The following DOCK1 variants were observed in gnomAD, a reference collection of about 807,000 sequenced individuals.
DOCK1 encodes dedicator of cytokinesis 1.
In DOCK1, 138 loss-of-function variants were observed where a neutral mutation model predicts 262.7. The observed-to-expected ratio is 0.53, with a 90% CI of 0.46 to 0.61. The LOEUF is 0.61. Among genes scored for constraint, DOCK1 ranks in the 20% least tolerant of loss-of-function variants. DOCK1 has a pLI of 0.00. For synonymous variants in DOCK1, 866 were observed against 867.4 expected, an observed-to-expected ratio of 1.00 and a Z score of 0.03; for missense variants, 1,908 against 2,370.7, an observed-to-expected ratio of 0.80 and a Z score of 4.05.
chr10:126,984,928 C>T (rs1446596274), intron 4 of DOCK1, among the ~76,000 whole-genome samples: 4 of 150,340 alleles, frequency 2.7e-5, no homozygotes, highest in Non-Finnish European at 4.4e-5. Flanking sequence ...AACAGAAACT[C>T]GGTGTCCCTT....
chr10:127,448,751 A>G (rs1036005275), intron 51 of DOCK1, among the ~76,000 whole-genome samples: 116 of 152,106 alleles, frequency 7.6e-4, no homozygotes, highest in African/African-American at 2.7e-3. Context: ...TAGAACATTG[A>G]AAACATGAGA....
At chr10:127,341,261 A>G (rs1207563294) in intron 30 of DOCK1, among the ~76,000 whole-genome samples, 1 of 152,216 alleles carries the variant, frequency 6.6e-6, no homozygotes, top group Non-Finnish European at 1.5e-5. Flanking sequence ...ATGTGTGTAT[A>G]AATTCCATTT....
At chr10:126,981,178 C>T (rs2038947324) in intron 3 of DOCK1, among the ~76,000 whole-genome samples, 1 of 152,042 alleles carries the variant, frequency 6.6e-6, no homozygotes, top group South Asian at 2.1e-4. Flanking sequence ...GAACTCCTGA[C>T]CTCAGGTGAT....
chr10:127,396,862 T>C (rs950843590), intron 38 of DOCK1, among the ~76,000 whole-genome samples: 3 of 152,112 alleles, frequency 2.0e-5, no homozygotes, highest in South Asian at 2.1e-4. Flanking sequence ...AAAGGAGACA[T>C]GTTGATGAAC....
At chr10:127,064,231 C>T (rs761666956) in intron 23 of DOCK1, among the ~76,000 whole-genome samples, 50 of 152,290 alleles carry the variant, frequency 3.3e-4, no homozygotes, top group Admixed American at 8.5e-4. Context: ...GCCTCATCCT[C>T]CCAGTAGTTG....
At chr10:127,243,139 A>C (rs528505473) in intron 27 of DOCK1, among the ~76,000 whole-genome samples, 1 of 152,258 alleles carries the variant, frequency 6.6e-6, no homozygotes, top group South Asian at 2.1e-4. Context: ...ATACCCTGCT[A>C]TCCAAGTCAC....
rs749601173 is a variant in DOCK1, at chr10:127,153,913, G to A, written c.2847+26149G>A. 4 of 1,613,586 alleles carry A rather than the reference G, an allele frequency of 2.5e-6. No individual in the cohort carries two copies. The highest frequency in any genetic ancestry group is 4.5e-5 in the East Asian group (2 of 44,862). ...CAATTAGCTGTGTCTTGCCCCGTCC[G>A]ATATGAAAGCCTACAAGATAAGAAC... On this transcript the variant is annotated intron_variant, in intron 27 of 51. Coordinates refer to ENST00000623213, the MANE Select transcript of DOCK1 (RefSeq NM_001290223.2).
At chr10:127,181,948 A>G (rs1306301228) in intron 27 of DOCK1, among the ~76,000 whole-genome samples, 1 of 152,142 alleles carries the variant, frequency 6.6e-6, no homozygotes, top group African/African-American at 2.4e-5. Flanking sequence ...TTCTTTATAT[A>G]GTGAAATGTT....
Position 127,000,208 on chromosome 10 carries a change from A to G in DOCK1, c.886A>G (p.Ser296Gly). 1 of 1,614,026 alleles carries G rather than the reference A, an allele frequency of 6.2e-7. No individual in the cohort carries two copies. The highest frequency in any genetic ancestry group is 1.1e-5 in the South Asian group (1 of 91,084). Residue 296 changes from serine (S) to glycine (G), a missense_variant, in exon 10 of 52, where the codon AGT (serine) becomes GGT (glycine). This residue lies in a region of DOCK1 where 102 missense variants were observed against 154.9 expected (regional missense o/e 0.66). Coordinates refer to ENST00000623213, the MANE Select transcript of DOCK1 (RefSeq NM_001290223.2). ...CAAAGACCTGAAAAGGGAGAAAATCAGTTTTGTCTGTCAGATTGTTCGCGT... is the reference window on the plus strand; with the variant it reads ...CAAAGACCTGAAAAGGGAGAAAATCGGTTTTGTCTGTCAGATTGTTCGCGT... ...GSKDLKREKISFVCQIVRVGR... is the reference protein window; with the variant it reads ...GSKDLKREKIGFVCQIVRVGR...
chr10:126,934,250 A>C (rs1444411943), intron 1 of DOCK1, among the ~76,000 whole-genome samples: 1 of 152,210 alleles, frequency 6.6e-6, no homozygotes, highest in African/African-American at 2.4e-5. Flanking sequence ...TTTTATTACC[A>C]AAACAAAACA....
At position 126,999,407 on chromosome 10, in the gene DOCK1, G is replaced by A; in HGVS notation, c.821G>A (p.Arg274Lys). ...TCAGGATTACCTAAAGACATAGACA[G>A]ATTACATAATTTGCGAGCCGTGTTT... The part of the protein sequence containing the change: ...SSSGLPKDID[R>K]LHNLRAVFTD... The change falls in exon 9 of 52, where the codon AGA becomes AAA. Residue 274 changes from arginine (R) to lysine (K), a missense_variant. By Grantham distance (26) the Arg-to-Lys change is conservative (BLOSUM62 2). Transcript: ENST00000623213. 6.2e-7 allele frequency: 1 copy of A among 1,613,388 alleles called. No individual in the cohort carries two copies. Among genetic ancestry groups the A allele is most frequent in the Non-Finnish European group, 8.5e-7 (1 of 1,179,654 alleles).
chr10:127,258,479 T>C (rs151135769), intron 29 of DOCK1, among the ~76,000 whole-genome samples: 1 of 152,368 alleles, frequency 6.6e-6, no homozygotes, highest in East Asian at 1.9e-4. Flanking sequence ...CAATAGCTTA[T>C]TCCTTTTTAT....
intron 1 of DOCK1, among the ~76,000 whole-genome samples, chr10:126,945,560 T>G (rs2035335323): frequency 6.6e-6 from 1 of 152,148 alleles, no homozygotes; most frequent in Non-Finnish European, 1.5e-5. Flanking sequence ...ACTGGCAGTA[T>G]TTTATTGGCT....
chr10:127,125,452 G>C (rs758813296), intron 25 of DOCK1, 22 bp from the exon 26 acceptor site: 6 of 1,611,178 alleles, frequency 3.7e-6, no homozygotes, highest in Non-Finnish European at 5.1e-6. Flanking sequence ...CACACTGACT[G>C]GCAATGCTGT....
chr10:127,343,449 G>A (rs774396763), intron 30 of DOCK1, among the ~76,000 whole-genome samples, 197 bp from the exon 31 acceptor site: 5 of 152,160 alleles, frequency 3.3e-5, no homozygotes, highest in African/African-American at 9.7e-5. Context: ...TATGTGCACC[G>A]TGACCTCTGA....
intron 29 of DOCK1, among the ~76,000 whole-genome samples, chr10:127,315,694 G>C (rs1029835666): frequency 6.6e-6 from 1 of 152,116 alleles, no homozygotes; most frequent in East Asian, 1.9e-4. Flanking sequence ...TGCATTTCCG[G>C]ATTCCAAATA....
intron 44 of DOCK1, among the ~76,000 whole-genome samples, chr10:127,416,229 C>T (rs539528925): frequency 6.6e-6 from 1 of 152,334 alleles, no homozygotes; most frequent in African/African-American, 2.4e-5. Flanking sequence ...CTCTGGAGTT[C>T]CCTTTCTGTG....
rs542501277 is a variant in DOCK1 at position 127,251,337 on chromosome 10, G to A, written c.2949+3228G>A. Among the ~76,000 whole-genome samples, 37 of 151,640 alleles carry A rather than the reference G, an allele frequency of 2.4e-4. 1 individual carries two copies. The highest frequency in any genetic ancestry group is 9.8e-4 in the Admixed American group (15 of 15,244). On this transcript the variant is annotated intron_variant, in intron 28 of 51. Transcript: ENST00000623213. ...GTACAGAATTATTTGATGTTATTTC[G>A]TATTTCAATATGAAAGTGGCCAAAA... is the stretch of plus-strand genomic sequence containing the variant.
At chr10:127,144,770 G>T (rs908739224) in intron 27 of DOCK1, among the ~76,000 whole-genome samples, 1 of 152,030 alleles carries the variant, frequency 6.6e-6, no homozygotes, top group Admixed American at 6.6e-5. Flanking sequence ...ATGATTCACC[G>T]TAACTTTGTA....
Sources: allele counts gnomAD v4.1 joint callset (sites outside exome capture counted in the v4.1 genomes callset), GRCh38; gene constraint gnomAD v4.1.1; regional missense constraint gnomAD v4.1.1; transcripts MANE v1.5; gene names NCBI Gene and HGNC (gene_info 2026-07-23, HGNC 2026-07-21).